Variants in SLC38A12 observed in about 807,000 individuals in gnomAD.
SLC38A12 encodes putative sodium-coupled neutral amino acid transporter 12.
the SLC38A12 span, chr17:74,777,684 C>A: frequency 2.5e-6 from 3 of 1,194,476 alleles, no homozygotes; most frequent in South Asian, 3.8e-5. Flanking sequence ...CTTTGGGAGG[C>A]TGAAGCGGGC....
the SLC38A12 span, chr17:74,836,904 C>G: frequency 7.3e-7 from 1 of 1,366,500 alleles, no homozygotes; most frequent in African/African-American, 1.5e-5. This position sits in a 1 kb window ranked among gnomAD's most constrained non-coding sequence, Gnocchi z 4.2. Flanking sequence ...CCACCAGGTC[C>G]TTCTGCCTGG....
At chr17:74,828,809 A>C in the SLC38A12 span, among the ~76,000 whole-genome samples, 147 of 152,300 alleles carry the variant, frequency 9.7e-4, 1 homozygote, top group African/African-American at 3.3e-3. Flanking sequence ...AAATCAGGGC[A>C]GATGACAGGG....
chr17:74,814,427 G>C, the SLC38A12 span, among the ~76,000 whole-genome samples: 1 of 152,180 alleles, frequency 6.6e-6, no homozygotes, highest in East Asian at 1.9e-4. Context: ...CTCTTCCCGG[G>C]TGCACTCTCT....
chr17:74,809,153 C>T, the SLC38A12 span, among the ~76,000 whole-genome samples: 6 of 152,178 alleles, frequency 3.9e-5, no homozygotes, highest in African/African-American at 9.6e-5. Context: ...CGTAGGGGTA[C>T]GGGGTATTCA....
chr17:74,810,471 A>T, the SLC38A12 span, among the ~76,000 whole-genome samples: 1 of 152,186 alleles, frequency 6.6e-6, no homozygotes, highest in Non-Finnish European at 1.5e-5. Context: ...AACACTAATC[A>T]CTGCTGCAGA....
chr17:74,833,882 G>A, the SLC38A12 span, among the ~76,000 whole-genome samples: 699 of 152,240 alleles, frequency 4.6e-3, 6 homozygotes, highest in African/African-American at 0.015. Flanking sequence ...CCCACTTATG[G>A]TGGCAGAACA....
the SLC38A12 span, among the ~76,000 whole-genome samples, chr17:74,833,483 T>A: frequency 2.8e-4 from 43 of 152,352 alleles, no homozygotes; most frequent in South Asian, 1.2e-3. Context: ...GAAACCTACT[T>A]TATAAATTGG....
chr17:74,788,709 G>A, the SLC38A12 span: 1 of 1,297,648 alleles, frequency 7.7e-7, no homozygotes, highest in Non-Finnish European at 1.1e-6. Flanking sequence ...GGTCTGGTCG[G>A]TTCTTACAAT....
chr17:74,792,670 G>T, the SLC38A12 span, among the ~76,000 whole-genome samples: 5 of 152,188 alleles, frequency 3.3e-5, no homozygotes, highest in African/African-American at 9.7e-5. Flanking sequence ...GAGCCGGGGG[G>T]ACTGTAGGAA....
chr17:74,832,073 A>AC, the SLC38A12 span, among the ~76,000 whole-genome samples: 1 of 140,434 alleles, frequency 7.1e-6, no homozygotes, highest in Non-Finnish European at 1.6e-5. Flanking sequence ...GAGGGGCCAG[A>AC]CAAGGGGGTG....
At chr17:74,801,865 G>C in the SLC38A12 span, among the ~76,000 whole-genome samples, 1 of 152,080 alleles carries the variant, frequency 6.6e-6, no homozygotes, top group African/African-American at 2.4e-5. Context: ...TCTTCCGTGT[G>C]CTTTCCATCC....
the SLC38A12 span, among the ~76,000 whole-genome samples, chr17:74,806,858 G>T: frequency 6.6e-6 from 1 of 152,152 alleles, no homozygotes; most frequent in South Asian, 2.1e-4. Flanking sequence ...GGAGTGTCCC[G>T]CCCCACGGCT....
At chr17:74,802,082 G>A in the SLC38A12 span, among the ~76,000 whole-genome samples, 768 of 152,224 alleles carry the variant, frequency 5.0e-3, 5 homozygotes, top group Middle Eastern at 0.01. Context: ...CCTTGCTGAG[G>A]ACACCTGGGT....
At chr17:74,782,456 T>G in the SLC38A12 span, among the ~76,000 whole-genome samples, 416 of 152,300 alleles carry the variant, frequency 2.7e-3, no homozygotes, top group Middle Eastern at 6.8e-3. Flanking sequence ...TATCATTGTA[T>G]CCTCAGCTCC....
chr17:74,823,467 G>T, the SLC38A12 span, among the ~76,000 whole-genome samples: 1 of 152,228 alleles, frequency 6.6e-6, no homozygotes, highest in Admixed American at 6.5e-5. Context: ...CCATCGTTCT[G>T]CCAGAATGGC....
At chr17:74,808,995 G>T in the SLC38A12 span, among the ~76,000 whole-genome samples, 1 of 152,192 alleles carries the variant, frequency 6.6e-6, no homozygotes, top group Non-Finnish European at 1.5e-5. Context: ...CCTATGAGCC[G>T]CACTCTGCCT....
the SLC38A12 span, among the ~76,000 whole-genome samples, chr17:74,810,227 A>G: frequency 6.6e-6 from 1 of 152,214 alleles, no homozygotes; most frequent in African/African-American, 2.4e-5. Flanking sequence ...CCTAGTGACA[A>G]GGTGCATAGA....
the SLC38A12 span, among the ~76,000 whole-genome samples, chr17:74,814,645 G>GC: frequency 1.3e-5 from 2 of 152,290 alleles, no homozygotes; most frequent in East Asian, 1.9e-4. Flanking sequence ...GTCAGGCACT[G>GC]CCCCCCGCAG....
the SLC38A12 span, among the ~76,000 whole-genome samples, chr17:74,832,075 A>C: frequency 1.1e-5 from 1 of 87,254 alleles, no homozygotes; most frequent in Admixed American, 1.0e-4. Flanking sequence ...GGGGCCAGAC[A>C]AGGGGGTGGG....
Sources: gnomAD v4.1 joint callset for allele counts (sites outside exome capture counted in the v4.1 genomes callset) on GRCh38, gnomAD v4.1.1 for gene constraint, Gnocchi (gnomAD v3.1) non-coding constraint, MANE v1.5 for transcripts, NCBI Gene and HGNC (gene_info 2026-07-23, HGNC 2026-07-21) for gene names.